MYL12A: variants seen among roughly 807,000 people sequenced by gnomAD.
MYL12A encodes the protein myosin regulatory light chain 12A.
In MYL12A, 11 loss-of-function variants were observed where a neutral mutation model predicts 13.3. That is an observed-to-expected ratio of 0.83 (90% confidence interval 0.52 to 1.37). The LOEUF (loss-of-function observed/expected upper bound fraction) is 1.37, where lower values mean the gene tolerates loss of function less well. MYL12A is among the 40% of genes most tolerant of loss of function. The pLI, the probability that MYL12A is intolerant of heterozygous loss-of-function variation, is 0.00. For synonymous variants in MYL12A, 51 were observed against 69.9 expected (o/e 0.73, Z 1.35); for missense variants, 146 against 212.3 (o/e 0.69, Z 1.94).
chr18:3,251,791 C>CAT (rs1362387781), intron 1 of MYL12A, among the ~76,000 whole-genome samples: 1 of 152,104 alleles, frequency 6.6e-6, no homozygotes, highest in African/African-American at 2.4e-5. Flanking sequence ...TTGGGAACAG[C>CAT]ATATATATCA....
Position 3,252,529 on chromosome 18 carries a change from T to C in MYL12A, c.-15-704T>C, listed in dbSNP as rs187834865. On this transcript the variant is annotated intron_variant, in intron 1 of 3. Transcript: ENST00000217652. The stretch of plus-strand genomic sequence containing the variant: ...CTACGTTTAAGATGTTTTCTAAAAC[T>C]TTTAAAATTATTTTAAAAGCTTGTG... 5 of 1,169,100 alleles carry C rather than the reference T, an allele frequency of 4.3e-6. No homozygotes were observed. In the South Asian group the frequency reaches 1.0e-4, roughly 24 times the overall value. 72.4% of individuals were successfully genotyped at this position (1,169,100 alleles called of 1,614,324 possible). A position where few individuals can be genotyped will look rare whatever the true frequency, so the allele number is the denominator to read the frequency against.
intron 3 of MYL12A, chr18:3,255,495 A>C (rs1470875661): frequency 7.9e-6 from 3 of 378,814 alleles, no homozygotes; most frequent in Non-Finnish European, 1.4e-5. Context: ...TCTTATCAAG[A>C]GATCAGAAGC....
intron 1 of MYL12A, 109 bp from the exon 2 acceptor site, chr18:3,253,124 C>G (rs1019900803): frequency 8.2e-7 from 1 of 1,213,284 alleles, no homozygotes; most frequent in Non-Finnish European, 1.2e-6. Context: ...GTAGCTCAAA[C>G]ATATCAGGAA....
intron 1 of MYL12A, chr18:3,252,153 C>G (rs2081492296): frequency 2.0e-6 from 1 of 512,756 alleles, no homozygotes; most frequent in East Asian, 3.1e-5. Flanking sequence ...TTTGCCAGAT[C>G]ATAGCTAAAT....
chr18:3,247,972 G>C (rs745949066), intron 1 of MYL12A, 63 bp downstream of exon 1: 2 of 152,356 alleles, frequency 1.3e-5, no homozygotes, highest in Non-Finnish European at 2.9e-5. Flanking sequence ...CGCGGGGGCA[G>C]CTGGAGGGCG....
chr18:3,252,355 G>T, intron 1 of MYL12A: 1 of 1,530,630 alleles, frequency 6.5e-7, no homozygotes, highest in South Asian at 1.2e-5. Flanking sequence ...TCTGATGACT[G>T]AGATTTTTAA....
chr18:3,254,587 C>T (rs1245271336), intron 3 of MYL12A, among the ~76,000 whole-genome samples: 1 of 152,156 alleles, frequency 6.6e-6, no homozygotes, highest in Non-Finnish European at 1.5e-5. Context: ...CCTCTGTTTT[C>T]TTATTTGTAA....
At chr18:3,255,531 C>T (rs377647954) in intron 3 of MYL12A, 1 of 464,912 alleles carries the variant, frequency 2.2e-6, no homozygotes, top group Non-Finnish European at 3.7e-6. Flanking sequence ...AATGATAGAG[C>T]AAATGATAGA....
At chr18:3,249,079 A>T (rs1029908858) in intron 1 of MYL12A, among the ~76,000 whole-genome samples, 1 of 152,202 alleles carries the variant, frequency 6.6e-6, no homozygotes, top group Non-Finnish European at 1.5e-5. Context: ...AATATTATCA[A>T]TTTGAGTGTT....
chr18:3,253,628 G>A, intron 2 of MYL12A, 200 bp downstream of exon 2: 1 of 721,698 alleles, frequency 1.4e-6, no homozygotes, highest in Non-Finnish European at 2.2e-6. Flanking sequence ...TCGTGTGTGT[G>A]TGTGTGTGTA....
At chr18:3,250,030 C>A (rs1268887558) in intron 1 of MYL12A, 3 of 139,222 alleles carry the variant, frequency 2.2e-5, no homozygotes, top group African/African-American at 8.1e-5. Flanking sequence ...GACATGAAAT[C>A]TTTTCAATTT....
In MYL12A at chr18:3,253,437, C is replaced by G. The variant is rs753308571; in HGVS notation, c.181+9C>G. ...TATGCTTGCTTCATTGGGTAATGCT[C>G]AGTTTAAATATTAATCTATTGGATA... On this transcript the variant is annotated intron_variant, in intron 2 of 3. Coordinates refer to ENST00000217652, the MANE Select transcript of MYL12A (RefSeq NM_006471.4). 1.2e-6 allele frequency: 2 copies of G among 1,611,550 alleles called. No homozygotes were observed. Among genetic ancestry groups the G allele is most frequent in the Non-Finnish European group, 8.5e-7 (1 of 1,178,500 alleles).
chr18:3,249,858 C>T (rs1264873493), intron 1 of MYL12A: 2 of 152,080 alleles, frequency 1.3e-5, no homozygotes, highest in Non-Finnish European at 2.9e-5. Flanking sequence ...GATCGCGCCA[C>T]TGCACTCCAC....
intron 1 of MYL12A, among the ~76,000 whole-genome samples, chr18:3,250,856 G>A (rs191940608): frequency 2.6e-5 from 4 of 151,964 alleles, no homozygotes; most frequent in African/African-American, 7.2e-5. Context: ...TTTCATTATT[G>A]TCACACGTTT....
chr18:3,255,630 A>T, intron 3 of MYL12A, 116 bp from the exon 4 acceptor site: 1 of 1,291,050 alleles, frequency 7.7e-7, no homozygotes, highest in Non-Finnish European at 1.0e-6. Flanking sequence ...TGTAGTTCAT[A>T]TATTTGCATG....
chr18:3,249,502 A>G (rs1368992398), intron 1 of MYL12A: 1 of 152,200 alleles, frequency 6.6e-6, no homozygotes, highest in Non-Finnish European at 1.5e-5. Context: ...CCACTTTCTC[A>G]TGCATCTGAA....
chr18:3,248,320 C>T (rs1218668094), intron 1 of MYL12A: 1 of 152,230 alleles, frequency 6.6e-6, no homozygotes, highest in East Asian at 1.9e-4. Context: ...GAATAACCAA[C>T]TCAAATTGGG....
rs1341147477 is a variant in MYL12A, at chr18:3,255,827, A to G, written c.425A>G (p.Tyr142Cys). Residue 142 changes from tyrosine (Y) to cysteine (C), a missense_variant, in exon 4 of 4, where the codon TAC (tyrosine) becomes TGC (cysteine). Physicochemically the swap from Tyr to Cys is radical, Grantham distance 194. Coordinates refer to ENST00000217652, the MANE Select transcript of MYL12A (RefSeq NM_006471.4). ...ACAGATGAGGAAGTGGATGAGCTGT[A>G]CAGAGAAGCACCTATTGATAAAAAG... ...RFTDEEVDEL[Y>C]REAPIDKKGN... 1 of 1,614,172 alleles carries G rather than the reference A, an allele frequency of 6.2e-7. No individual in the cohort carries two copies. Among genetic ancestry groups the G allele is most frequent in the African/African-American group, 1.3e-5 (1 of 75,068 alleles).
chr18:3,252,265 T>C, intron 1 of MYL12A: 1 of 1,402,460 alleles, frequency 7.1e-7, no homozygotes, highest in Non-Finnish European at 9.7e-7. Context: ...CAATGCAGTG[T>C]CTTACTTTTG....
Sources: gnomAD v4.1 joint callset for allele counts (sites outside exome capture counted in the v4.1 genomes callset) on GRCh38, gnomAD v4.1.1 for gene constraint, MANE v1.5 for transcripts, NCBI Gene and HGNC (gene_info 2026-07-23, HGNC 2026-07-21) for gene names.